GRAMD1C: variants seen among roughly 807,000 people sequenced by gnomAD.
GRAMD1C encodes the protein GRAM domain containing 1C.
GRAMD1C carries 89 observed loss-of-function variants against 97.8 expected under a neutral mutation model. The ratio of observed to expected loss-of-function variants is 0.91; its 90% CI spans 0.77 to 1.09. The LOEUF is 1.09. Ranked by LOEUF, GRAMD1C falls within the 50% of genes least tolerant of loss-of-function variation. The probability of loss-of-function intolerance (pLI) is 0.00; values close to 1 mark genes in which losing one functional copy is unlikely to be tolerated. For synonymous variants in GRAMD1C, 256 were observed against 267.0 expected (o/e 0.96, Z 0.40); for missense variants, 740 against 766.4 (o/e 0.97, Z 0.41).
rs1435697494 is a variant in GRAMD1C at position 113,946,594 on chromosome 3, G to C, written c.*1116G>C. Reference sequence around the variant, plus strand: ...CTTAAAATCAGATATTTTTTCAAGAGTTAGGGAAAGTTGAAGTGTTTTACT... The same window carrying C: ...CTTAAAATCAGATATTTTTTCAAGACTTAGGGAAAGTTGAAGTGTTTTACT... On this transcript the variant is annotated 3_prime_UTR_variant, in exon 18 of 18. Coordinates refer to ENST00000358160, the MANE Select transcript of GRAMD1C (RefSeq NM_017577.5). 6.6e-6 allele frequency: 1 copy of C among 151,944 alleles called. No individual in the cohort carries two copies. The highest frequency in any genetic ancestry group is 1.9e-4 in the East Asian group (1 of 5,168). 9.4% of individuals were successfully genotyped at this position (151,944 alleles called of 1,614,324 possible). A position where few individuals can be genotyped will look rare whatever the true frequency, so the allele number is the denominator to read the frequency against.
intron 10 of GRAMD1C, among the ~76,000 whole-genome samples, chr3:113,916,912 G>T (rs1319556185): frequency 6.6e-6 from 1 of 152,142 alleles, no homozygotes; most frequent in African/African-American, 2.4e-5. Flanking sequence ...ACTTTGGGAG[G>T]TTGAGGTGGG....
At chr3:113,915,240 A>C (rs138857038) in intron 9 of GRAMD1C, among the ~76,000 whole-genome samples, 6 of 152,208 alleles carry the variant, frequency 3.9e-5, no homozygotes, top group Non-Finnish European at 8.8e-5. Flanking sequence ...ATTCAGGCTG[A>C]TAAGCTAAGT....
chr3:113,898,957 G>C (rs1448230381), intron 6 of GRAMD1C, among the ~76,000 whole-genome samples: 1 of 151,814 alleles, frequency 6.6e-6, no homozygotes, highest in African/African-American at 2.4e-5. Context: ...ATCTTTGAAG[G>C]TCCATGAAAT....
intron 8 of GRAMD1C, 43 bp from the exon 9 acceptor site, chr3:113,908,915 T>C (rs757054392): frequency 2.5e-5 from 31 of 1,255,680 alleles, no homozygotes; most frequent in Non-Finnish European, 3.3e-5. Flanking sequence ...AAATCTAAGC[T>C]AAACCTGTGT....
At chr3:113,865,946 A>T (rs1187609360) in intron 2 of GRAMD1C, among the ~76,000 whole-genome samples, 1 of 152,210 alleles carries the variant, frequency 6.6e-6, no homozygotes, top group Non-Finnish European at 1.5e-5. Context: ...TAGAGAACAT[A>T]GTTTATGAGG....
intron 6 of GRAMD1C, among the ~76,000 whole-genome samples, chr3:113,888,972 G>A (rs1363641750): frequency 6.6e-6 from 1 of 152,114 alleles, no homozygotes; most frequent in African/African-American, 2.4e-5. Context: ...AGGCTGAGGC[G>A]GACAGGTCAC....
At chr3:113,844,758 A>G in intron 2 of GRAMD1C, 109 bp downstream of exon 2, 1 of 746,098 alleles carries the variant, frequency 1.3e-6, no homozygotes, top group Non-Finnish European at 2.1e-6. Context: ...TCTAGATTTT[A>G]GATGTTTCAA....
intron 2 of GRAMD1C, among the ~76,000 whole-genome samples, chr3:113,848,965 A>G (rs2107325326): frequency 7.5e-6 from 1 of 133,604 alleles, no homozygotes; most frequent in East Asian, 2.1e-4. Context: ...ACTTAGTAAA[A>G]AAATATATAG....
At chr3:113,869,460 C>T in intron 2 of GRAMD1C, 47 bp from the exon 3 acceptor site, 1 of 874,052 alleles carries the variant, frequency 1.1e-6, no homozygotes, top group Non-Finnish European at 1.9e-6. Context: ...TTTTCTAGGA[C>T]ACTATAATTA....
intron 1 of GRAMD1C, among the ~76,000 whole-genome samples, chr3:113,830,156 G>C (rs1709538939): frequency 6.6e-6 from 1 of 152,134 alleles, no homozygotes; most frequent in South Asian, 2.1e-4. Context: ...GACTAGGTGT[G>C]CGGTTTGCAC....
rs139689569 is a variant in GRAMD1C, at chr3:113,865,510, A to G, written c.175-3997A>G. ...ATTGAGTTTTACTGTATTTACATAT[A>G]TAAATATGCACAAAAAAGTGTTCAA... On this transcript the variant is annotated intron_variant, in intron 2 of 17. Coordinates refer to ENST00000358160, the MANE Select transcript of GRAMD1C (RefSeq NM_017577.5). Among the ~76,000 whole-genome samples the G allele has an allele frequency of 5.0e-3, 756 of 152,330 alleles. 2 individuals carry two copies. Among genetic ancestry groups the G allele is most frequent in the Non-Finnish European group, 8.6e-3 (582 of 68,022 alleles).
At position 113,942,854 on chromosome 3, in the gene GRAMD1C, C is replaced by A. The variant is rs572242863; in HGVS notation, c.1908+2509C>A. Among the ~76,000 whole-genome samples the A allele has an allele frequency of 1.4e-4, 22 of 152,310 alleles. 1 individual carries two copies. The South Asian group carries it at 4.6e-3, about 32-fold the overall frequency. On this transcript the variant is annotated intron_variant, in intron 17 of 17. Coordinates refer to ENST00000358160, the MANE Select transcript of GRAMD1C (RefSeq NM_017577.5). ...TTCCTCTTTATTCTCACTTCCAGAG[C>A]TTCCTGGTCATTAACACCTGAGCCT...
At chr3:113,859,248 CAA>C in intron 2 of GRAMD1C, among the ~76,000 whole-genome samples, 1 of 152,230 alleles carries the variant, frequency 6.6e-6, no homozygotes, top group Non-Finnish European at 1.5e-5. Context: ...CTGTGTCCCA[CAA>C]ATTTTGATAT....
intron 6 of GRAMD1C, among the ~76,000 whole-genome samples, chr3:113,884,240 C>G (rs1159961613): frequency 6.6e-6 from 1 of 151,990 alleles, no homozygotes; most frequent in Non-Finnish European, 1.5e-5. Context: ...TTTAACAGTA[C>G]TAAAATAATA....
intron 17 of GRAMD1C, among the ~76,000 whole-genome samples, chr3:113,944,987 G>C (rs1937998660): frequency 6.6e-6 from 1 of 152,226 alleles, no homozygotes; most frequent in Non-Finnish European, 1.5e-5. Flanking sequence ...ACTACATGAA[G>C]AGTGTGAATA....
intron 9 of GRAMD1C, among the ~76,000 whole-genome samples, chr3:113,911,879 C>G (rs1305978522): frequency 1.3e-5 from 2 of 152,064 alleles, no homozygotes; most frequent in Non-Finnish European, 2.9e-5. Flanking sequence ...AGGTGCCCAC[C>G]ACCATGCCCA....
intron 2 of GRAMD1C, among the ~76,000 whole-genome samples, chr3:113,868,718 G>A (rs1276722261): frequency 1.3e-5 from 2 of 152,044 alleles, no homozygotes; most frequent in African/African-American, 4.8e-5. Context: ...TTAAAAAAAT[G>A]TGGCCATTTT....
chr3:113,919,484 A>C (rs1377636202), intron 10 of GRAMD1C: 1 of 526,872 alleles, frequency 1.9e-6, no homozygotes, highest in Non-Finnish European at 3.8e-6. Flanking sequence ...TCATGAATTT[A>C]TAAACCTAAT....
chr3:113,896,973 T>C (rs1037827266), intron 6 of GRAMD1C, among the ~76,000 whole-genome samples: 1 of 152,126 alleles, frequency 6.6e-6, no homozygotes, highest in African/African-American at 2.4e-5. Context: ...TACACCAAAG[T>C]CAGAAATATT....
Sources: allele counts gnomAD v4.1 joint callset (sites outside exome capture counted in the v4.1 genomes callset), GRCh38; gene constraint gnomAD v4.1.1; transcripts MANE v1.5; gene names NCBI Gene and HGNC (gene_info 2026-07-23, HGNC 2026-07-21).